SURF1: variants seen among roughly 807,000 people sequenced by gnomAD.
The protein encoded by SURF1 is SURF1 cytochrome c oxidase assembly factor.
Under a neutral mutation model 34.1 loss-of-function variants are expected in SURF1, and 45 were observed. The observed-to-expected ratio is 1.32, with a 90% CI of 1.04 to 1.69. SURF1 has a LOEUF of 1.69. SURF1 is among the 40% of genes most tolerant of loss of function. The pLI is 0.00. For missense variants in SURF1, 456 were observed against 384.6 expected (o/e 1.19, Z -1.55); for synonymous variants, 188 against 147.5 (o/e 1.27, Z -1.99).
At position 133,353,763 on chromosome 9, in the gene SURF1, G is replaced by A; in HGVS notation, c.501C>T (p.His167=). 1 of 1,613,852 alleles carries A rather than the reference G, an allele frequency of 6.2e-7. No homozygotes were observed. The change falls in exon 5 of 9, where the codon CAC becomes CAT. Residue 167 remains histidine (H), a synonymous_variant. Transcript: ENST00000371974. ...GTCCTACTCACCCCAGGTCGGTGCA[G>A]TGGAAGGGAGTGACCACATAGGCCC... The part of the protein sequence containing the change: ...QSGAYVVTPF[H]CTDLGVTILV...
intron 4 of SURF1, 192 bp from the exon 5 acceptor site, chr9:133,354,132 G>A: frequency 1.5e-6 from 1 of 685,538 alleles, no homozygotes. Context: ...TTACAAGAGA[G>A]GCTAAAAATC....
chr9:133,356,274 C>T lies in SURF1; in HGVS notation c.101G>A (p.Arg34His). ...AWRSVLRVSP[R>H]PGVAWRPSRC... ...GCCCGGCCTGCAGCCCTCACCTGGG[C>T]GCGGGGAGACCCTGAGGACGCTCCT... The change falls in exon 2 of 9, where the codon CGC (arginine) becomes CAC (histidine). Residue 34 changes from arginine to histidine, a missense_variant. Arg to His is a conservative substitution (Grantham distance 29, BLOSUM62 0). Coordinates refer to ENST00000371974, the MANE Select transcript of SURF1 (RefSeq NM_003172.4). 1.3e-6 allele frequency: 2 copies of T among 1,532,860 alleles called. No individual in the cohort carries two copies. Among genetic ancestry groups the T allele is most frequent in the Non-Finnish European group, 1.7e-6 (2 of 1,146,066 alleles). The allele number at this position is 1,532,860 out of a possible 1,614,324, so 95.0% of individuals were successfully genotyped here. A position where few individuals can be genotyped will look rare whatever the true frequency, so the allele number is the denominator to read the frequency against.
At chr9:133,353,999 G>T in intron 4 of SURF1, 59 bp from the exon 5 acceptor site, 1 of 1,603,578 alleles carries the variant, frequency 6.2e-7, no homozygotes, top group South Asian at 1.1e-5. Context: ...AATCCCCTGA[G>T]GGTGGCAGAC....
At chr9:133,355,068 G>A in intron 2 of SURF1, 111 bp from the exon 3 acceptor site, 1 of 1,441,204 alleles carries the variant, frequency 6.9e-7, no homozygotes, top group Non-Finnish European at 9.6e-7. Flanking sequence ...GCTGCCTAGA[G>A]CCAACTAGCA....
Position 133,356,325 on chromosome 9 carries a change from G to C in SURF1, c.55-5C>G, listed in dbSNP as rs1323605640. 1 of 1,515,152 alleles carries C rather than the reference G, an allele frequency of 6.6e-7. No homozygotes were observed. Among genetic ancestry groups the C allele is most frequent in the Middle Eastern group, 2.3e-4 (1 of 4,306 alleles). 93.9% of individuals were successfully genotyped at this position (1,515,152 alleles called of 1,614,324 possible). A position where few individuals can be genotyped will look rare whatever the true frequency, so the allele number is the denominator to read the frequency against. On this transcript the variant is annotated splice_polypyrimidine_tract_variant and splice_region_variant and intron_variant, in intron 1 of 8. Transcript: ENST00000371974. ...CCAGGCGGCGCTGGCCGGGGCCTGCGGACACGGACGGGCGGGCTGAGCTCC... is the reference window on the plus strand; with the variant it reads ...CCAGGCGGCGCTGGCCGGGGCCTGCCGACACGGACGGGCGGGCTGAGCTCC...
chr9:133,353,752 A>C lies in SURF1; in HGVS notation c.512T>G (p.Leu171Arg). The C allele has an allele frequency of 6.2e-7, 1 of 1,613,738 alleles. No individual in the cohort carries two copies. The highest frequency in any genetic ancestry group is 8.5e-7 in the Non-Finnish European group (1 of 1,180,018). The change falls in exon 5 of 9, where the codon CTG becomes CGG. Residue 171 changes from leucine to arginine, a missense_variant. Transcript: ENST00000371974. ...AGCTCCCACATGTCCTACTCACCCCAGGTCGGTGCAGTGGAAGGGAGTGAC... is the reference window on the plus strand; with the variant it reads ...AGCTCCCACATGTCCTACTCACCCCCGGTCGGTGCAGTGGAAGGGAGTGAC... ...YVVTPFHCTD[L>R]GVTILVNRGF...
Position 133,352,147 on chromosome 9 carries a change from G to A in SURF1, c.752-5C>T. 1 of 1,591,070 alleles carries A rather than the reference G, an allele frequency of 6.3e-7. No individual in the cohort carries two copies. The highest frequency in any genetic ancestry group is 1.1e-5 in the South Asian group (1 of 88,062). On this transcript the variant is annotated splice_polypyrimidine_tract_variant and splice_region_variant and intron_variant, in intron 7 of 8. Coordinates refer to ENST00000371974, the MANE Select transcript of SURF1 (RefSeq NM_003172.4). Reference sequence around the variant, plus strand: ...GTCCTCCAGGGACTGTGCTCTCTGTGGAGACAGCAGACTCAAGTCCACCCC... The same window carrying A: ...GTCCTCCAGGGACTGTGCTCTCTGTAGAGACAGCAGACTCAAGTCCACCCC...
chr9:133,351,909 T>C lies in SURF1; in HGVS notation c.*4A>G. The C allele has an allele frequency of 6.2e-7, 1 of 1,613,398 alleles. No homozygotes were observed. The highest frequency in any genetic ancestry group is 2.2e-5 in the East Asian group (1 of 44,886). ...CCAGGGACAGGGCTTCAGCAGCTGA[T>C]CTGTCACACACCAGGTGTCCCACGT... is the stretch of plus-strand genomic sequence containing the variant. On this transcript the variant is annotated 3_prime_UTR_variant, in exon 9 of 9. Transcript: ENST00000371974.
chr9:133,353,722 C>T, intron 5 of SURF1, 27 bp downstream of exon 5: 1 of 1,613,060 alleles, frequency 6.2e-7, no homozygotes, highest in Non-Finnish European at 8.5e-7. Context: ...TCTGCCAGGA[C>T]AGCCAGCTCC....
At position 133,351,937 on chromosome 9, in the gene SURF1, G is replaced by C; in HGVS notation, c.879C>G (p.Phe293Leu). Residue 293 changes from phenylalanine (F) to leucine (L), a missense_variant, in exon 9 of 9, where the codon TTC becomes TTG. By Grantham distance (22) the Phe-to-Leu change is conservative (BLOSUM62 0). Transcript: ENST00000371974. Reference protein sequence around the residue: ...AATSYLWFKKFLRGTPGV With the variant: ...AATSYLWFKKLLRGTPGV ...GTCACACACCAGGTGTCCCACGTAG[G>C]AATTTCTTAAACCACAGGTAGGATG... The C allele has an allele frequency of 6.2e-7, 1 of 1,613,920 alleles. No homozygotes were observed.
chr9:133,353,945 A>G lies in SURF1; in HGVS notation c.324-5T>C, dbSNP rs140805315. On this transcript the variant is annotated splice_polypyrimidine_tract_variant and splice_region_variant and intron_variant, in intron 4 of 8. Coordinates refer to ENST00000371974, the MANE Select transcript of SURF1 (RefSeq NM_003172.4). ...AGATTTTTCAGTTCCATTGGGCTGC[A>G]TGGAGATAAGAACAGTGGCCGAGCA... 2.4e-5 allele frequency: 39 copies of G among 1,613,828 alleles called. No individual in the cohort carries two copies. Among genetic ancestry groups the G allele is most frequent in the Non-Finnish European group, 3.2e-5 (38 of 1,180,018 alleles).
intron 2 of SURF1, 153 bp downstream of exon 2, chr9:133,356,116 G>C (rs1293135900): frequency 4.9e-6 from 5 of 1,030,912 alleles, no homozygotes; most frequent in Non-Finnish European, 7.2e-6. Context: ...TCCACTGAAA[G>C]CATTTTAATA....
At chr9:133,355,830 T>A (rs1836561828) in intron 2 of SURF1, among the ~76,000 whole-genome samples, 4 of 150,852 alleles carry the variant, frequency 2.7e-5, no homozygotes, top group African/African-American at 9.7e-5. Context: ...TTTTTTTTTT[T>A]TATAAAAAGG....
chr9:133,352,790 C>T, intron 5 of SURF1, 24 bp from the exon 6 acceptor site: 2 of 1,600,922 alleles, frequency 1.2e-6, no homozygotes, highest in Admixed American at 1.7e-5. Context: ...AGTGCTACTT[C>T]AGGTGGGGAG....
In SURF1 at chr9:133,352,497, C is replaced by G. The variant is rs2130007391; in HGVS notation, c.700G>C (p.Ala234Pro). 1.2e-6 allele frequency: 2 copies of G among 1,614,126 alleles called. No homozygotes were observed. The highest frequency in any genetic ancestry group is 1.3e-5 in the African/African-American group (1 of 74,944). ...RNHWHYRDLE[A>P]MARITGAEPI... ...TCTGCGCCTGTGATTCTGGCCATAG[C>G]TTCCAGGTCTCGATAATGCCAGTGG... The change falls in exon 7 of 9, where the codon GCT (alanine) becomes CCT (proline). Residue 234 changes from alanine (A) to proline (P), a missense_variant. Transcript: ENST00000371974.
chr9:133,355,299 G>A (rs1243554985), intron 2 of SURF1, among the ~76,000 whole-genome samples: 1 of 152,168 alleles, frequency 6.6e-6, no homozygotes, highest in Non-Finnish European at 1.5e-5. Flanking sequence ...AGCTACAGTT[G>A]GCCGGGCACG....
Position 133,356,468 on chromosome 9 carries a change from C to G in SURF1, c.-15G>C. 7.0e-7 allele frequency: 1 copy of G among 1,423,682 alleles called. No homozygotes were observed. Among genetic ancestry groups the G allele is most frequent in the Non-Finnish European group, 9.2e-7 (1 of 1,091,280 alleles). 88.2% of individuals were successfully genotyped at this position (1,423,682 alleles called of 1,614,324 possible). On this transcript the variant is annotated 5_prime_UTR_variant, in exon 1 of 9. Transcript: ENST00000371974. Reference sequence around the variant, plus strand: ...ACCGCCGCCATCGCACCCGGCCCCGCGGGCGCTTCCGGGACGCAGGAAGCA... The same window carrying G: ...ACCGCCGCCATCGCACCCGGCCCCGGGGGCGCTTCCGGGACGCAGGAAGCA...
chr9:133,352,377 T>C, intron 7 of SURF1, 69 bp downstream of exon 7: 1 of 1,609,658 alleles, frequency 6.2e-7, no homozygotes, highest in African/African-American at 1.3e-5. Flanking sequence ...GACTGGGCAA[T>C]GAGGGTTAGG....
At position 133,352,087 on chromosome 9, in the gene SURF1, GT is replaced by G; in HGVS notation, c.806del (p.Asn269ThrfsTer8). 1 of 1,610,690 alleles carries G rather than the reference GT, an allele frequency of 6.2e-7. No homozygotes were observed. The highest frequency in any genetic ancestry group is 8.5e-7 in the Non-Finnish European group (1 of 1,178,456). On this transcript the variant is annotated frameshift_variant, in exon 8 of 9. Transcript: ENST00000371974. LOFTEE classifies it high-confidence loss of function. The stretch of plus-strand genomic sequence containing the variant: ...AGGTCACGATGTACTGCAGATGCTC[GT>G]TCCTCAGAGTAACTCTGGTTTGCCC... ...IGGQTRVTLRNEHLQYIVTWY... is the reference protein window; with the variant it reads ...IGGQTRVTLRXEHLQYIVTWY...
Sources: gnomAD v4.1 joint callset for allele counts (sites outside exome capture counted in the v4.1 genomes callset) on GRCh38, gnomAD v4.1.1 for gene constraint, MANE v1.5 for transcripts, NCBI Gene and HGNC (gene_info 2026-07-23, HGNC 2026-07-21) for gene names.